Variants in RAD51B observed in about 807,000 individuals in gnomAD.
RAD51B encodes RAD51 paralog B.
In RAD51B, 38 loss-of-function variants were observed where a neutral mutation model predicts 42.2. That is an observed-to-expected ratio of 0.90 (90% CI 0.70 to 1.18). The LOEUF (loss-of-function observed/expected upper bound fraction) is 1.18, where lower values mean the gene tolerates loss of function less well. Ranked by LOEUF, RAD51B falls within the 50% of genes most tolerant of loss-of-function variation. RAD51B has a pLI of 0.00. For synonymous variants in RAD51B, 154 were observed against 145.2 expected (o/e 1.06, Z -0.43); for missense variants, 373 against 400.7 (o/e 0.93, Z 0.59).
At position 68,477,884 on chromosome 14, in the gene RAD51B, G is replaced by A. The variant is rs1215165383; in HGVS notation, c.*220G>A. On this transcript the variant is annotated 3_prime_UTR_variant, in exon 11 of 11. Coordinates refer to ENST00000471583, the MANE Select transcript of RAD51B (RefSeq NM_133510.4). ...GAAGCCTTTGTTCAGGTCTCTAGAT[G>A]TGTAGGGCTGAGGGCTTTGCCGCCA... 3 of 1,370,532 alleles carry A rather than the reference G, an allele frequency of 2.2e-6. No homozygotes were observed. In the African/African-American group the frequency reaches 4.4e-5, roughly 20 times the overall value. The allele number at this position is 1,370,532 out of a possible 1,614,324, so 84.9% of individuals were successfully genotyped here.
intron 7 of RAD51B, among the ~76,000 whole-genome samples, chr14:67,904,062 A>G (rs1159315197): frequency 1.1e-4 from 16 of 152,074 alleles, no homozygotes; most frequent in Admixed American, 1.0e-3. Flanking sequence ...AGCTCCATCC[A>G]TGTTGCTGCA....
At chr14:68,505,695 C>T (rs559075334) in intron 10 of RAD51B, among the ~76,000 whole-genome samples, 83 of 152,136 alleles carry the variant, frequency 5.5e-4, no homozygotes, top group African/African-American at 1.7e-3. Context: ...GGATTACAGG[C>T]ATGCACCACC....
intron 5 of RAD51B, among the ~76,000 whole-genome samples, chr14:67,882,830 C>A (rs1413340583): frequency 1.3e-5 from 2 of 152,058 alleles, no homozygotes; most frequent in Admixed American, 1.3e-4. Context: ...CTGCAACCTC[C>A]ATCTCCCAGA....
At chr14:68,541,682 A>G in intron 10 of RAD51B, 1 of 985,476 alleles carries the variant, frequency 1.0e-6, no homozygotes, top group Non-Finnish European at 1.2e-6. Flanking sequence ...TTGGGCCTGA[A>G]GAAGCCATTC....
chr14:68,103,747 G>T (rs1264265913), intron 7 of RAD51B, among the ~76,000 whole-genome samples: 1 of 152,130 alleles, frequency 6.6e-6, no homozygotes, highest in African/African-American at 2.4e-5. Context: ...ATTCTTGACT[G>T]TTTCAGACCA....
At chr14:68,567,015 T>G (rs749818226) in intron 10 of RAD51B, among the ~76,000 whole-genome samples, 1 of 152,158 alleles carries the variant, frequency 6.6e-6, no homozygotes, top group African/African-American at 2.4e-5. Flanking sequence ...AATTCAACTT[T>G]ACTGGCCGGC....
intron 10 of RAD51B, among the ~76,000 whole-genome samples, chr14:68,568,186 G>A (rs1383527455): frequency 2.0e-5 from 3 of 152,192 alleles, no homozygotes; most frequent in East Asian, 3.8e-4. Flanking sequence ...ACACAGAAAG[G>A]TAAGCAAACA....
At chr14:67,978,092 T>C (rs78563191) in intron 7 of RAD51B, among the ~76,000 whole-genome samples, 1 of 152,308 alleles carries the variant, frequency 6.6e-6, no homozygotes, top group East Asian at 1.9e-4. Flanking sequence ...TTTCATTAAG[T>C]TTGTGTTTTA....
At chr14:68,536,696 A>T (rs867458276) in intron 10 of RAD51B, among the ~76,000 whole-genome samples, 4 of 152,170 alleles carry the variant, frequency 2.6e-5, no homozygotes. Context: ...ATTGATTTAG[A>T]TCCTTGTGGA....
At chr14:68,156,590 T>A (rs2078516823) in intron 7 of RAD51B, among the ~76,000 whole-genome samples, 1 of 151,900 alleles carries the variant, frequency 6.6e-6, no homozygotes, top group Admixed American at 6.6e-5. Flanking sequence ...GGCTCAGTTT[T>A]TAAAAAATTT....
chr14:68,031,692 A>G (rs979257912), intron 7 of RAD51B, among the ~76,000 whole-genome samples: 29 of 152,320 alleles, frequency 1.9e-4, no homozygotes, highest in African/African-American at 6.7e-4. Context: ...CAATGAATCA[A>G]TGAATGAACG....
chr14:68,602,738 G>A (rs1435373711), intron 10 of RAD51B, among the ~76,000 whole-genome samples: 1 of 152,182 alleles, frequency 6.6e-6, no homozygotes, highest in Non-Finnish European at 1.5e-5. Flanking sequence ...TGATGGAAAT[G>A]TTAATGTCAT....
chr14:68,089,481 G>C (rs1333398196), intron 7 of RAD51B, among the ~76,000 whole-genome samples: 2 of 152,120 alleles, frequency 1.3e-5, no homozygotes, highest in Non-Finnish European at 2.9e-5. Context: ...GCTGGCACAG[G>C]GTTGAGACTA....
intron 7 of RAD51B, among the ~76,000 whole-genome samples, chr14:68,043,492 A>C (rs1043204501): frequency 3.3e-5 from 5 of 152,176 alleles, no homozygotes; most frequent in Admixed American, 2.0e-4. Flanking sequence ...TTAAGTACCA[A>C]CTTTTTCTTA....
chr14:68,511,639 G>T (rs1885734954), intron 10 of RAD51B, among the ~76,000 whole-genome samples: 2 of 152,196 alleles, frequency 1.3e-5, no homozygotes, highest in African/African-American at 4.8e-5. Context: ...CTCTCAGCAG[G>T]ACACATGTAA....
intron 8 of RAD51B, among the ~76,000 whole-genome samples, chr14:68,375,763 A>G (rs1237147683): frequency 3.3e-5 from 5 of 152,158 alleles, no homozygotes; most frequent in African/African-American, 1.2e-4. Flanking sequence ...AGTGAAAAAT[A>G]TAAAGAAATA....
chr14:68,212,586 A>G (rs943298349), intron 7 of RAD51B, among the ~76,000 whole-genome samples: 2 of 152,256 alleles, frequency 1.3e-5, no homozygotes, highest in Non-Finnish European at 2.9e-5. Context: ...AGAATTTGCC[A>G]GTGTAATCAC....
chr14:68,191,011 G>A (rs1249456662), intron 7 of RAD51B, among the ~76,000 whole-genome samples: 1 of 146,350 alleles, frequency 6.8e-6, no homozygotes, highest in Non-Finnish European at 1.5e-5. Flanking sequence ...AATGCTGTTA[G>A]TTAATGCTAT....
At chr14:68,031,454 A>T (rs2076040310) in intron 7 of RAD51B, among the ~76,000 whole-genome samples, 1 of 152,236 alleles carries the variant, frequency 6.6e-6, no homozygotes, top group Non-Finnish European at 1.5e-5. Flanking sequence ...ACCATAACAG[A>T]TAAAACAATG....
Sources: gnomAD v4.1 joint callset for allele counts (sites outside exome capture counted in the v4.1 genomes callset) on GRCh38, gnomAD v4.1.1 for gene constraint, MANE v1.5 for transcripts, NCBI Gene and HGNC (gene_info 2026-07-23, HGNC 2026-07-21) for gene names.